The following DSG3 variants were observed in gnomAD, a reference collection of about 807,000 sequenced individuals.
The protein encoded by DSG3 is desmoglein 3.
Under a neutral mutation model 85.9 loss-of-function variants are expected in DSG3, and 63 were observed. That is an observed-to-expected ratio of 0.73 (90% CI 0.60 to 0.90). DSG3 has a LOEUF of 0.90. Among genes scored for constraint, DSG3 ranks in the 40% least tolerant of loss-of-function variants. The probability of loss-of-function intolerance (pLI) is 0.00; values close to 1 mark genes in which losing one functional copy is unlikely to be tolerated. For synonymous variants in DSG3, 447 were observed against 441.9 expected (o/e 1.01, Z -0.14); for missense variants, 1,220 against 1,219.9 (o/e 1.00, Z 0.00).
In DSG3 at chr18:31,475,759, T is replaced by C. The variant is rs2072882557; in HGVS notation, c.2499T>C (p.Cys833=). 1.9e-6 allele frequency: 3 copies of C among 1,614,210 alleles called. No individual in the cohort carries two copies. Among genetic ancestry groups the C allele is most frequent in the South Asian group, 1.1e-5 (1 of 91,084 alleles). The part of the protein sequence containing the change: ...ATGSPVGSVG[C]CSFIADDLDD... ...GTTCTCCTGTGGGCTCCGTGGGTTGTTGCAGTTTTATTGCTGATGACCTGG... is the reference window on the plus strand; with the variant it reads ...GTTCTCCTGTGGGCTCCGTGGGTTGCTGCAGTTTTATTGCTGATGACCTGG... Residue 833 remains cysteine, a synonymous_variant, in exon 16 of 16, where the codon TGT becomes TGC. Transcript: ENST00000257189.
chr18:31,452,908 A>G (rs1433443752), intron 1 of DSG3, among the ~76,000 whole-genome samples: 1 of 152,138 alleles, frequency 6.6e-6, no homozygotes, highest in East Asian at 1.9e-4. Flanking sequence ...TTTTCTTAGC[A>G]TTCTGTCATG....
chr18:31,449,081 A>G (rs1226341992), intron 1 of DSG3, among the ~76,000 whole-genome samples: 2 of 152,152 alleles, frequency 1.3e-5, no homozygotes, highest in East Asian at 3.9e-4. Flanking sequence ...TATTGTTAGT[A>G]GAGATGGGGT....
chr18:31,461,649 G>A (rs74759061), intron 8 of DSG3, among the ~76,000 whole-genome samples: 2,413 of 152,196 alleles, frequency 0.016, 52 homozygotes, highest in African/African-American at 0.053. Flanking sequence ...ACACTAACAT[G>A]CTATGGGAGT....
Position 31,460,883 on chromosome 18 carries a change from A to C in DSG3, c.735A>C (p.Glu245Asp). Residue 245 changes from glutamate to aspartate, a missense_variant, in exon 7 of 16, where the codon GAA becomes GAC. Transcript: ENST00000257189. ...LVVSGADKDGEGLSTQCECNI... is the reference protein window; with the variant it reads ...LVVSGADKDGDGLSTQCECNI... ...TGAGTGGTGCAGACAAAGATGGAGA[A>C]GGACTATCAACTCAATGTGAATGTA... is the stretch of plus-strand genomic sequence containing the variant. The C allele has an allele frequency of 6.2e-7, 1 of 1,601,354 alleles. No homozygotes were observed. The highest frequency in any genetic ancestry group is 8.5e-7 in the Non-Finnish European group (1 of 1,176,494).
rs1357957228 is a variant in DSG3 at position 31,457,047 on chromosome 18, CA to C, written c.144del (p.Lys48AsnfsTer5). 3 of 1,612,746 alleles carry C rather than the reference CA, an allele frequency of 1.9e-6. No individual in the cohort carries two copies. In the African/African-American group the frequency reaches 4.0e-5, roughly 22 times the overall value. On this transcript the variant is annotated frameshift_variant, in exon 3 of 16. Coordinates refer to ENST00000257189, the MANE Select transcript of DSG3 (RefSeq NM_001944.3). LOFTEE classifies it high-confidence loss of function. ...EMTMQQAKRRQKREWVKFAKP... is the reference protein window; with the variant it reads ...EMTMQQAKRRXKREWVKFAKP... Reference sequence around the variant, plus strand: ...GACTATGCAACAAGCTAAAAGAAGGCAAAAACGTGAATGGGTGAAATTTGCC... The same window carrying C: ...GACTATGCAACAAGCTAAAAGAAGGCAAAACGTGAATGGGTGAAATTTGCC...
chr18:31,457,604 C>CTT (rs1159237247), intron 3 of DSG3, among the ~76,000 whole-genome samples: 2 of 96,590 alleles, frequency 2.1e-5, no homozygotes, highest in Admixed American at 2.0e-4. Flanking sequence ...TTCTTTCTTT[C>CTT]TTTCTTTCTT....
At chr18:31,467,103 G>A (rs1465386765) in intron 11 of DSG3, among the ~76,000 whole-genome samples, 1 of 152,188 alleles carries the variant, frequency 6.6e-6, no homozygotes, top group African/African-American at 2.4e-5. Flanking sequence ...TACTTTGGGA[G>A]GCCAGGATGG....
At chr18:31,461,204 A>G (rs1004053729) in intron 7 of DSG3, 23 bp from the exon 8 acceptor site, 7 of 1,589,968 alleles carry the variant, frequency 4.4e-6, no homozygotes, top group Non-Finnish European at 5.1e-6. Context: ...TTAGGTCTTT[A>G]ATTCTGCTTC....
chr18:31,463,802 C>A (rs2072800234), intron 8 of DSG3, among the ~76,000 whole-genome samples: 1 of 152,066 alleles, frequency 6.6e-6, no homozygotes, highest in Admixed American at 6.6e-5. Context: ...AGCAGCAGAA[C>A]CAGGATTCAA....
rs1399828194 is a variant in DSG3 at position 31,477,043 on chromosome 18, A to G, written c.*783A>G. 6.6e-6 allele frequency: 1 copy of G among 151,860 alleles called. No individual in the cohort carries two copies. The highest frequency in any genetic ancestry group is 2.4e-5 in the African/African-American group (1 of 41,352). 9.4% of individuals were successfully genotyped at this position (151,860 alleles called of 1,614,324 possible). ...TGCTTGGAAAAAGGGAAGTAGTTGC[A>G]GTAGAGTTTCTTCCATCTTCTTGGT... On this transcript the variant is annotated 3_prime_UTR_variant, in exon 16 of 16. Transcript: ENST00000257189.
At chr18:31,471,047 G>T (rs533443387) in intron 12 of DSG3, among the ~76,000 whole-genome samples, 2 of 152,320 alleles carry the variant, frequency 1.3e-5, no homozygotes, top group Admixed American at 6.5e-5. Flanking sequence ...TGGCAACAGT[G>T]TGTACAGTAT....
At chr18:31,473,978 G>A in intron 14 of DSG3, 143 bp from the exon 15 acceptor site, 2 of 741,508 alleles carry the variant, frequency 2.7e-6, no homozygotes, top group Non-Finnish European at 2.1e-6. Context: ...ATTGTGGGAT[G>A]TTATCACCTC....
chr18:31,459,248 A>C, intron 5 of DSG3, 71 bp downstream of exon 5: 3 of 1,383,994 alleles, frequency 2.2e-6, no homozygotes, highest in Admixed American at 2.4e-5. Flanking sequence ...ACAATATGTC[A>C]TTCTTATAAA....
At position 31,465,353 on chromosome 18, in the gene DSG3, T is replaced by G; in HGVS notation, c.1307T>G (p.Met436Arg). The change falls in exon 10 of 16, where the codon ATG becomes AGG. Residue 436 changes from methionine to arginine, a missense_variant. Physicochemically the swap from Met to Arg is moderately conservative, Grantham distance 91 (BLOSUM62 -1). Transcript: ENST00000257189. Reference sequence around the variant, plus strand: ...GGACGTAACGATGGTGGATACCTAATGATTGATTCAAAAACTGCTGAAATC... The same window carrying G: ...GGACGTAACGATGGTGGATACCTAAGGATTGATTCAAAAACTGCTGAAATC... ...VMGRNDGGYL[M>R]IDSKTAEIKF... The G allele has an allele frequency of 6.5e-7, 1 of 1,538,466 alleles. No individual in the cohort carries two copies. Among genetic ancestry groups the G allele is most frequent in the Non-Finnish European group, 8.7e-7 (1 of 1,143,112 alleles).
At chr18:31,459,568 A>C (rs2072770437) in intron 5 of DSG3, among the ~76,000 whole-genome samples, 1 of 152,216 alleles carries the variant, frequency 6.6e-6, no homozygotes, top group South Asian at 2.1e-4. Context: ...GAATTATGAC[A>C]ATCTATCAAG....
At chr18:31,475,512 T>C in intron 15 of DSG3, 134 bp from the exon 16 acceptor site, 1 of 1,085,094 alleles carries the variant, frequency 9.2e-7, no homozygotes, top group South Asian at 1.6e-5. Context: ...AGATTGTTAA[T>C]AGACAGTGTC....
intron 1 of DSG3, among the ~76,000 whole-genome samples, chr18:31,452,137 G>A (rs1015111610): frequency 6.6e-6 from 1 of 152,150 alleles, no homozygotes; most frequent in African/African-American, 2.4e-5. Context: ...GTACAGTGGA[G>A]TACTGTTTCT....
intron 9 of DSG3, 39 bp from the exon 10 acceptor site, chr18:31,465,279 A>G: frequency 1.5e-6 from 2 of 1,335,470 alleles, no homozygotes; most frequent in Non-Finnish European, 1.9e-6. Context: ...AACATTCCAC[A>G]TTTGAAAGAA....
At chr18:31,461,857 A>C (rs1173552815) in intron 8 of DSG3, among the ~76,000 whole-genome samples, 1 of 152,252 alleles carries the variant, frequency 6.6e-6, no homozygotes, top group Non-Finnish European at 1.5e-5. Context: ...AATAGAGAAT[A>C]AATGGCAACT....
Sources: allele counts gnomAD v4.1 joint callset (sites outside exome capture counted in the v4.1 genomes callset), GRCh38; gene constraint gnomAD v4.1.1; transcripts MANE v1.5; gene names NCBI Gene and HGNC (gene_info 2026-07-23, HGNC 2026-07-21).